The following ANKRD26 variants were observed in gnomAD, a reference collection of about 807,000 sequenced individuals.
ANKRD26 encodes ankyrin repeat domain-containing protein 26.
In ANKRD26, 141 loss-of-function variants were observed where a neutral mutation model predicts 208.7. The ratio of observed to expected loss-of-function variants is 0.68; its 90% CI spans 0.59 to 0.78. The LOEUF (loss-of-function observed/expected upper bound fraction) is 0.78. Ranked by LOEUF, ANKRD26 falls within the 30% of genes least tolerant of loss-of-function variation. The pLI, the probability that ANKRD26 is intolerant of heterozygous loss-of-function variation, is 0.00. For missense variants in ANKRD26, 1,889 were observed against 1,938.7 expected (o/e 0.97, Z 0.48); for synonymous variants, 636 against 660.4 (o/e 0.96, Z 0.57).
chr10:27,065,823 TAC>T (rs559900563), intron 11 of ANKRD26, among the ~76,000 whole-genome samples: 83 of 146,440 alleles, frequency 5.7e-4, no homozygotes, highest in African/African-American at 1.9e-3. Flanking sequence ...CACAGAATCA[TAC>T]ACTTGGCCAT....
chr10:27,064,826 T>G (rs1214409823), intron 11 of ANKRD26, among the ~76,000 whole-genome samples: 1 of 147,380 alleles, frequency 6.8e-6, no homozygotes, highest in Non-Finnish European at 1.5e-5. Flanking sequence ...TAAGAAATAA[T>G]TTCAAAAAAG....
intron 21 of ANKRD26, among the ~76,000 whole-genome samples, chr10:27,038,950 A>C (rs1378035276): frequency 6.6e-6 from 1 of 152,174 alleles, no homozygotes; most frequent in Non-Finnish European, 1.5e-5. Context: ...CACTTTCGAC[A>C]TACCTTCTTG....
chr10:27,028,318 C>T (rs565657019), intron 27 of ANKRD26, among the ~76,000 whole-genome samples: 64 of 152,036 alleles, frequency 4.2e-4, no homozygotes, highest in African/African-American at 1.4e-3. Flanking sequence ...TAAAAGTGGC[C>T]GGGCACTGTG....
At chr10:26,978,280 C>T (rs1298505474) in intron 5 of ANKRD26, among the ~76,000 whole-genome samples, 2 of 151,646 alleles carry the variant, frequency 1.3e-5, no homozygotes, top group Non-Finnish European at 2.9e-5. Context: ...CATGGTGAAA[C>T]CCTGTCTCTA....
intron 29 of ANKRD26, among the ~76,000 whole-genome samples, chr10:27,021,938 A>G (rs1323282202): frequency 6.6e-6 from 1 of 152,204 alleles, no homozygotes; most frequent in African/African-American, 2.4e-5. Flanking sequence ...GATGCCGGAT[A>G]TAAGACCTTT....
chr10:27,073,421 C>T (rs2055577024), intron 9 of ANKRD26, among the ~76,000 whole-genome samples: 1 of 152,186 alleles, frequency 6.6e-6, no homozygotes, highest in Admixed American at 6.5e-5. Flanking sequence ...CACAATCCCT[C>T]TCTATATGGA....
chr10:27,000,536 A>G (rs1424638613), downstream of ANKRD26, among the ~76,000 whole-genome samples: 1 of 152,242 alleles, frequency 6.6e-6, no homozygotes, highest in East Asian at 1.9e-4. Context: ...TACTCAAATA[A>G]AAAATATGAA....
intron 26 of ANKRD26, 86 bp downstream of exon 26, chr10:27,029,200 G>A: frequency 7.0e-7 from 1 of 1,433,338 alleles, no homozygotes; most frequent in Non-Finnish European, 9.6e-7. Flanking sequence ...ATGTACTTAT[G>A]ATCATAGCTG....
At chr10:26,999,978 T>C (rs1034781168), downstream of ANKRD26, among the ~76,000 whole-genome samples, 5 of 152,070 alleles carry the variant, frequency 3.3e-5, no homozygotes, top group African/African-American at 9.7e-5. Flanking sequence ...TATAGAGAAT[T>C]TGCAAGACAA....
At chr10:27,039,508 T>C (rs2054158373) in intron 21 of ANKRD26, among the ~76,000 whole-genome samples, 1 of 152,008 alleles carries the variant, frequency 6.6e-6, no homozygotes, top group South Asian at 2.1e-4. Context: ...CTCTATTGAT[T>C]GAAACGTAAA....
At chr10:27,020,925 T>C (rs2053465713) in intron 29 of ANKRD26, among the ~76,000 whole-genome samples, 1 of 152,134 alleles carries the variant, frequency 6.6e-6, no homozygotes, top group Non-Finnish European at 1.5e-5. Flanking sequence ...GCTTCCAAAA[T>C]GCTGGAATTA....
chr10:27,021,649 TGTCGA>T (rs1289319420), intron 29 of ANKRD26, among the ~76,000 whole-genome samples: 12 of 152,202 alleles, frequency 7.9e-5, no homozygotes, highest in African/African-American at 2.4e-4. Flanking sequence ...TTCTTTTTGC[TGTCGA>T]GTTGAGTTCC....
intron 4 of ANKRD26, 50 bp from the exon 5 acceptor site, chr10:27,086,659 T>G: frequency 1.9e-6 from 3 of 1,551,458 alleles, no homozygotes; most frequent in East Asian, 2.3e-5. Flanking sequence ...ATACAAAAAA[T>G]ATTTACCAAA....
Position 27,013,039 on chromosome 10 carries a change from G to A in ANKRD26, c.4796C>T (p.Thr1599Ile). The change falls in exon 32 of 34, where the codon ACC becomes ATC. Residue 1599 changes from threonine (T) to isoleucine (I), a missense_variant. By Grantham distance (89) the Thr-to-Ile change is moderately conservative. Transcript: ENST00000376087. The part of the protein sequence containing the change: ...VEKQQSRSLF[T>I]TLTTRPVMEP... ...CATGACTGGCCTGGTAGTGAGAGTG[G>A]TGAACAAAGATCTGCTCTGCTGTTT... The A allele has an allele frequency of 1.2e-6, 2 of 1,614,050 alleles. No homozygotes were observed. Among genetic ancestry groups the A allele is most frequent in the Non-Finnish European group, 1.7e-6 (2 of 1,179,972 alleles).
intron 12 of ANKRD26, among the ~76,000 whole-genome samples, chr10:27,063,600 C>A (rs1186208140): frequency 6.6e-6 from 1 of 152,184 alleles, no homozygotes; most frequent in African/African-American, 2.4e-5. Context: ...GGATTACAGG[C>A]ATAAGCCACG....
chr10:27,002,803 C>G (rs376422144), downstream of ANKRD26, among the ~76,000 whole-genome samples: 5 of 152,196 alleles, frequency 3.3e-5, no homozygotes, highest in African/African-American at 1.2e-4. Flanking sequence ...ATGATGGCAG[C>G]AGGTGCTCCT....
rs372500899 is a variant in ANKRD26, at chr10:27,100,160, G to C, written c.167C>G (p.Ala56Gly). ...DLGKIHKAASAGNVAKVQQIL... is the reference protein window; with the variant it reads ...DLGKIHKAASGGNVAKVQQIL... ...CTGCTGCACTTTCGCCACATTACCC[G>C]CGCTGGCAGCTTTGTGGATCTTGCC... is the stretch of plus-strand genomic sequence containing the variant. The change falls in exon 1 of 34, where the codon GCG (alanine) becomes GGG (glycine). Residue 56 changes from alanine (A) to glycine (G), a missense_variant. Physicochemically the swap from Ala to Gly is moderately conservative, Grantham distance 60. Coordinates refer to ENST00000376087, the MANE Select transcript of ANKRD26 (RefSeq NM_014915.3). 1.9e-6 allele frequency: 3 copies of C among 1,614,112 alleles called. No individual in the cohort carries two copies. The highest frequency in any genetic ancestry group is 2.5e-6 in the Non-Finnish European group (3 of 1,179,994).
intron 20 of ANKRD26, among the ~76,000 whole-genome samples, chr10:27,042,179 C>T (rs530469660): frequency 2.6e-5 from 4 of 152,124 alleles, no homozygotes; most frequent in Non-Finnish European, 5.9e-5. Flanking sequence ...GACAAAGGCA[C>T]AATGGCAAAT....
the ANKRD26 span, among the ~76,000 whole-genome samples, chr10:26,958,059 C>A: frequency 6.9e-6 from 1 of 145,200 alleles, no homozygotes; most frequent in Admixed American, 7.0e-5. Context: ...CACAGATCAT[C>A]CCATCACCCA....
Sources: allele counts gnomAD v4.1 joint callset (sites outside exome capture counted in the v4.1 genomes callset), GRCh38; gene constraint gnomAD v4.1.1; transcripts MANE v1.5; gene names NCBI Gene and HGNC (gene_info 2026-07-23, HGNC 2026-07-21).